ATAD3B: variants seen among roughly 807,000 people sequenced by gnomAD.
The protein encoded by ATAD3B is ATPase family AAA domain-containing protein 3B.
A neutral mutation model predicts 70.2 loss-of-function variants in ATAD3B; 59 were observed. That is an observed-to-expected ratio of 0.84 (90% CI 0.68 to 1.04). ATAD3B has a LOEUF of 1.04. Ranked by LOEUF, ATAD3B falls within the 50% of genes least tolerant of loss-of-function variation. ATAD3B has a pLI of 0.00. For missense variants in ATAD3B, 961 were observed against 913.4 expected, an observed-to-expected ratio of 1.05 and a Z score of -0.67; for synonymous variants, 423 against 388.6, an observed-to-expected ratio of 1.09 and a Z score of -1.04.
At chr1:1,509,122 C>G in the ATAD3B span, 1 of 1,511,734 alleles carries the variant, frequency 6.6e-7, no homozygotes, top group South Asian at 1.3e-5. Context: ...TGGTTTGGTC[C>G]CTCCCCACCT....
At chr1:1,488,981 T>G (rs193077477) in intron 12 of ATAD3B, among the ~76,000 whole-genome samples, 4 of 152,012 alleles carry the variant, frequency 2.6e-5, no homozygotes, top group African/African-American at 9.6e-5. Flanking sequence ...CAGGCTGGTC[T>G]CAAACTCCCT....
chr1:1,492,372 G>C (rs1640582107), intron 15 of ATAD3B, among the ~76,000 whole-genome samples: 1 of 151,776 alleles, frequency 6.6e-6, no homozygotes, highest in African/African-American at 2.4e-5. Context: ...TGTAATCCCA[G>C]CTACTCAGGA....
intron 1 of ATAD3B, among the ~76,000 whole-genome samples, chr1:1,476,914 C>T (rs1639622523): frequency 6.6e-6 from 1 of 152,034 alleles, no homozygotes; most frequent in Admixed American, 6.6e-5. Context: ...TCCAGCAATT[C>T]TCCAGCCTTG....
At chr1:1,502,923 T>A in the ATAD3B span, among the ~76,000 whole-genome samples, 2 of 151,044 alleles carry the variant, frequency 1.3e-5, no homozygotes, top group Non-Finnish European at 2.9e-5. Context: ...TATATATATA[T>A]AAATGTATAA....
At chr1:1,478,389 TG>T in intron 2 of ATAD3B, 1 of 1,473,948 alleles carries the variant, frequency 6.8e-7, no homozygotes, top group Non-Finnish European at 9.1e-7. Context: ...AACAGCCTTG[TG>T]GGGTGGGGTT....
In ATAD3B at chr1:1,486,584, C is replaced by T. The variant is rs148189584; in HGVS notation, c.1130C>T (p.Thr377Ile). 1.8e-4 allele frequency: 290 copies of T among 1,611,720 alleles called. 4 individuals are homozygous for T. The highest frequency in any genetic ancestry group is 8.8e-5 in the Non-Finnish European group (104 of 1,179,412). Residue 377 changes from threonine (T) to isoleucine (I), a missense_variant, in exon 11 of 16, where the codon ACA becomes ATA. Thr to Ile is a moderately conservative substitution (Grantham distance 89, BLOSUM62 -1). Coordinates refer to ENST00000673477, the MANE Select transcript of ATAD3B (RefSeq NM_031921.6). ...LHSGMDYAIM[T>I]GGDVAPMGRE... ...TCAGGCATGGACTACGCCATCATGACAGGCGGGGACGTGGCCCCCATGGGG... is the reference window on the plus strand; with the variant it reads ...TCAGGCATGGACTACGCCATCATGATAGGCGGGGACGTGGCCCCCATGGGG...
At chr1:1,479,713 C>T (rs916662134) in intron 4 of ATAD3B, among the ~76,000 whole-genome samples, 3 of 143,570 alleles carry the variant, frequency 2.1e-5, no homozygotes, top group African/African-American at 5.3e-5. Context: ...GGGGCATGCA[C>T]GCACCTCCCA....
At chr1:1,494,516 C>T (rs1256420813) in intron 15 of ATAD3B, among the ~76,000 whole-genome samples, 1 of 151,510 alleles carries the variant, frequency 6.6e-6, no homozygotes, top group African/African-American at 2.4e-5. Flanking sequence ...CCTGCGCTCC[C>T]GGGCCCCCGA....
rs149822744 is a variant in ATAD3B, at chr1:1,492,006, T to C, written c.1614+1335T>C. Among the ~76,000 whole-genome samples, 722 of 151,924 alleles carry C rather than the reference T, an allele frequency of 4.8e-3. 10 individuals carry two copies. Among genetic ancestry groups the C allele is most frequent in the African/African-American group, 0.017 (695 of 41,464 alleles). On this transcript the variant is annotated intron_variant, in intron 15 of 15. Transcript: ENST00000673477. ...TTCAGGACCAGCCTGGAAAGCAAGG[T>C]GAGACCCCATCTCTACAAAAAATGA...
intron 1 of ATAD3B, among the ~76,000 whole-genome samples, chr1:1,475,290 C>G (rs1639533767): frequency 2.0e-5 from 3 of 151,184 alleles, no homozygotes; most frequent in Admixed American, 6.6e-5. Flanking sequence ...TTGATCCCTT[C>G]TCTCCTTCCT....
chr1:1,496,175 T>C lies in ATAD3B; in HGVS notation c.*358T>C, dbSNP rs901256254. On this transcript the variant is annotated 3_prime_UTR_variant, in exon 16 of 16. Coordinates refer to ENST00000673477, the MANE Select transcript of ATAD3B (RefSeq NM_031921.6). ...CCTGTGGCTGGAGCTGGTGTGTGTTTATCTAATAAAGTCCCACAGGTGCCT... is the reference window on the plus strand; with the variant it reads ...CCTGTGGCTGGAGCTGGTGTGTGTTCATCTAATAAAGTCCCACAGGTGCCT... 10 of 1,045,948 alleles carry C rather than the reference T, an allele frequency of 9.6e-6. No individual in the cohort carries two copies. The African/African-American group carries it at 1.5e-4, about 16-fold the overall frequency. 64.8% of individuals were successfully genotyped at this position (1,045,948 alleles called of 1,614,324 possible).
At chr1:1,483,734 G>A (rs1640049157) in intron 7 of ATAD3B, 2 of 152,748 alleles carry the variant, frequency 1.3e-5, no homozygotes, top group African/African-American at 4.8e-5. Context: ...CTGGAAGGCG[G>A]AGGTTGCAGT....
Position 1,489,996 on chromosome 1 carries a change from C to G in ATAD3B, c.1338-261C>G, listed in dbSNP as rs1640445293. 6 of 1,327,394 alleles carry G rather than the reference C, an allele frequency of 4.5e-6. No homozygotes were observed. The South Asian group carries it at 7.7e-5, about 17-fold the overall frequency. 82.2% of individuals were successfully genotyped at this position (1,327,394 alleles called of 1,614,324 possible). A position where few individuals can be genotyped will look rare whatever the true frequency, so the allele number is the denominator to read the frequency against. On this transcript the variant is annotated intron_variant, in intron 13 of 15. Coordinates refer to ENST00000673477, the MANE Select transcript of ATAD3B (RefSeq NM_031921.6). ...GGTGTTCCCGGCACTGCCTATCAGG[C>G]TGGGCGAGGGTCAGCGGGGAAGTAC... is the stretch of plus-strand genomic sequence containing the variant.
At chr1:1,483,834 T>C (rs1640055840) in intron 7 of ATAD3B, 1 of 152,250 alleles carries the variant, frequency 6.6e-6, no homozygotes. Context: ...AAGCAGCTCC[T>C]TCATGTCCTC....
At chr1:1,487,413 G>A (rs537331358) in intron 11 of ATAD3B, among the ~76,000 whole-genome samples, 5 of 151,630 alleles carry the variant, frequency 3.3e-5, no homozygotes, top group African/African-American at 7.2e-5. Flanking sequence ...GCGTGAACCC[G>A]GGAGGCAGAG....
At chr1:1,493,998 A>G (rs1235444853) in intron 15 of ATAD3B, among the ~76,000 whole-genome samples, 29 of 151,842 alleles carry the variant, frequency 1.9e-4, no homozygotes, top group Non-Finnish European at 4.4e-5. Flanking sequence ...GATTCTTCTT[A>G]ATGTTTTGTG....
chr1:1,500,673 G>T (rs1359905733), downstream of ATAD3B, among the ~76,000 whole-genome samples: 2 of 151,336 alleles, frequency 1.3e-5, no homozygotes, highest in African/African-American at 4.9e-5. Flanking sequence ...GCCACTTCAG[G>T]CAGGGCGCAG....
chr1:1,474,034 C>G (rs558985469), intron 1 of ATAD3B, among the ~76,000 whole-genome samples: 1 of 151,988 alleles, frequency 6.6e-6, no homozygotes, highest in African/African-American at 2.4e-5. Flanking sequence ...ATAGTCCTAG[C>G]TGGGCACCAC....
downstream of ATAD3B, chr1:1,497,909 G>A (rs1327483602): frequency 6.7e-6 from 1 of 150,206 alleles, no homozygotes; most frequent in South Asian, 2.1e-4. Flanking sequence ...CTCACGCCTG[G>A]AATCCTAACA....
Sources: allele counts gnomAD v4.1 joint callset (sites outside exome capture counted in the v4.1 genomes callset), GRCh38; gene constraint gnomAD v4.1.1; transcripts MANE v1.5; gene names NCBI Gene and HGNC (gene_info 2026-07-23, HGNC 2026-07-21).